KCNQ5: variants seen among roughly 807,000 people sequenced by gnomAD.
The protein encoded by KCNQ5 is potassium voltage-gated channel subfamily Q member 5.
A neutral mutation model predicts 98.2 loss-of-function variants in KCNQ5; 30 were observed. That is an observed-to-expected ratio of 0.31 (90% CI 0.23 to 0.41). The LOEUF (loss-of-function observed/expected upper bound fraction) is 0.41. Ranked by LOEUF, KCNQ5 falls within the 10% of genes least tolerant of loss-of-function variation. The pLI is 1.00. For missense variants in KCNQ5, 835 were observed against 1,182.5 expected (o/e 0.71, Z 4.31); for synonymous variants, 458 against 449.4 (o/e 1.02, Z -0.24).
At chr6:73,189,665 A>G (rs1372494591) in intron 11 of KCNQ5, among the ~76,000 whole-genome samples, 7 of 152,242 alleles carry the variant, frequency 4.6e-5, no homozygotes, top group Non-Finnish European at 1.0e-4. Flanking sequence ...AGGCTACACA[A>G]ACTAATTCAA....
intron 1 of KCNQ5, among the ~76,000 whole-genome samples, chr6:72,698,265 T>C (rs764512415): frequency 9.2e-5 from 14 of 152,210 alleles, no homozygotes; most frequent in South Asian, 4.2e-4. Flanking sequence ...TGCAATGGCG[T>C]GATCTTGGCT....
rs1777936152 is a variant in KCNQ5 at position 73,169,763 on chromosome 6, AC to A, written c.1487del (p.Thr496MetfsTer33). 6.2e-7 allele frequency: 1 copy of A among 1,612,964 alleles called. No individual in the cohort carries two copies. Among genetic ancestry groups the A allele is most frequent in the South Asian group, 1.1e-5 (1 of 91,058 alleles). On this transcript the variant is annotated frameshift_variant, in exon 11 of 14. Coordinates refer to ENST00000370398, the MANE Select transcript of KCNQ5 (RefSeq NM_019842.4). LOFTEE classifies it high-confidence loss of function. ...PVIDADTALGTDDVYDEKGCQ... is the reference protein window; with the variant it reads ...PVIDADTALGXDDVYDEKGCQ... The stretch of plus-strand genomic sequence containing the variant: ...TCTTGCAGCTGACACAGCCCTTGGC[AC>A]TGATGATGTATATGATGAAAAAGGA...
At chr6:72,981,292 C>CT (rs1404200987) in intron 1 of KCNQ5, among the ~76,000 whole-genome samples, 1 of 152,042 alleles carries the variant, frequency 6.6e-6, no homozygotes, top group Non-Finnish European at 1.5e-5. Context: ...TGGTCCTGGA[C>CT]TTTTTTTGGT....
At chr6:73,002,168 T>G (rs1769608870) in intron 1 of KCNQ5, among the ~76,000 whole-genome samples, 1 of 152,086 alleles carries the variant, frequency 6.6e-6, no homozygotes, top group East Asian at 1.9e-4. Flanking sequence ...GCATGATGAA[T>G]CATTAACATC....
chr6:72,912,524 A>G (rs1451615303), intron 1 of KCNQ5, among the ~76,000 whole-genome samples: 1 of 152,192 alleles, frequency 6.6e-6, no homozygotes, highest in African/African-American at 2.4e-5. Flanking sequence ...CTTTGTTACC[A>G]TACTAATTTG....
chr6:72,639,471 A>G (rs188052269), intron 1 of KCNQ5, among the ~76,000 whole-genome samples: 2 of 152,322 alleles, frequency 1.3e-5, no homozygotes, highest in African/African-American at 4.8e-5. Context: ...AGAACAACCC[A>G]GCAACTAGGT....
chr6:73,065,599 C>A (rs1773014834), intron 3 of KCNQ5, among the ~76,000 whole-genome samples: 1 of 152,198 alleles, frequency 6.6e-6, no homozygotes, highest in African/African-American at 2.4e-5. Context: ...TTCCCTGCCG[C>A]TATCATATAA....
intron 2 of KCNQ5, among the ~76,000 whole-genome samples, chr6:73,023,585 C>G (rs908874217): frequency 6.6e-6 from 1 of 152,270 alleles, no homozygotes; most frequent in Non-Finnish European, 1.5e-5. Flanking sequence ...CCCCTAGGAA[C>G]CTTCATTTAA....
At chr6:72,909,687 TC>T (rs1277290660) in intron 1 of KCNQ5, among the ~76,000 whole-genome samples, 1 of 152,152 alleles carries the variant, frequency 6.6e-6, no homozygotes, top group Non-Finnish European at 1.5e-5. Flanking sequence ...GATAAGACCC[TC>T]ACTCATCATG....
chr6:72,839,922 C>T (rs1048139567), intron 1 of KCNQ5, among the ~76,000 whole-genome samples: 6 of 152,108 alleles, frequency 3.9e-5, no homozygotes, highest in African/African-American at 9.7e-5. Flanking sequence ...ATGGGTGGTT[C>T]GGTGGTAGAA....
chr6:72,997,194 G>A (rs1769344406), intron 1 of KCNQ5, among the ~76,000 whole-genome samples: 1 of 152,144 alleles, frequency 6.6e-6, no homozygotes, highest in Admixed American at 6.5e-5. Flanking sequence ...AAGGGAGACT[G>A]AATCAGAAAT....
intron 5 of KCNQ5, among the ~76,000 whole-genome samples, chr6:73,105,000 A>G (rs1362078732): frequency 6.6e-6 from 1 of 152,222 alleles, no homozygotes; most frequent in Non-Finnish European, 1.5e-5. Flanking sequence ...CCACTTACTT[A>G]AATAATCTTT....
At chr6:72,844,115 C>T (rs1394363402) in intron 1 of KCNQ5, among the ~76,000 whole-genome samples, 1 of 152,126 alleles carries the variant, frequency 6.6e-6, no homozygotes, top group East Asian at 1.9e-4. Flanking sequence ...TGTAACAAAC[C>T]TGCATGTTCT....
chr6:73,092,916 C>T (rs909376298), intron 5 of KCNQ5, among the ~76,000 whole-genome samples: 16 of 152,098 alleles, frequency 1.1e-4, no homozygotes, highest in African/African-American at 3.9e-4. Flanking sequence ...TAGGGTGATA[C>T]TGGCTTCATA....
At chr6:72,634,887 C>A (rs1199563655) in intron 1 of KCNQ5, among the ~76,000 whole-genome samples, 1 of 151,992 alleles carries the variant, frequency 6.6e-6, no homozygotes, top group African/African-American at 2.4e-5. Context: ...TATTTTTAAT[C>A]AAAATTCACC....
chr6:72,939,865 A>G (rs537600984), intron 1 of KCNQ5, among the ~76,000 whole-genome samples: 26 of 152,320 alleles, frequency 1.7e-4, no homozygotes, highest in African/African-American at 6.0e-4. Flanking sequence ...TTTCACGTCT[A>G]TGAAGATGAG....
chr6:72,902,386 G>A (rs748705813), intron 1 of KCNQ5, among the ~76,000 whole-genome samples: 1 of 152,204 alleles, frequency 6.6e-6, no homozygotes, highest in Non-Finnish European at 1.5e-5. Flanking sequence ...ATGTTGAAGA[G>A]GAGTGGTGAG....
At chr6:72,980,406 G>A (rs553122993) in intron 1 of KCNQ5, among the ~76,000 whole-genome samples, 2 of 152,254 alleles carry the variant, frequency 1.3e-5, no homozygotes, top group South Asian at 4.1e-4. Flanking sequence ...CTTGTAAGTT[G>A]GATTCCTAGG....
intron 3 of KCNQ5, among the ~76,000 whole-genome samples, chr6:73,060,136 C>T (rs894205417): frequency 3.9e-5 from 6 of 152,052 alleles, no homozygotes; most frequent in African/African-American, 1.2e-4. Context: ...GTTTGTTCTC[C>T]TTAATTCAAC....
Sources: allele counts gnomAD v4.1 joint callset (sites outside exome capture counted in the v4.1 genomes callset), GRCh38; gene constraint gnomAD v4.1.1; transcripts MANE v1.5; gene names NCBI Gene and HGNC (gene_info 2026-07-23, HGNC 2026-07-21).